Variants in SH3GL2 observed in about 807,000 individuals in gnomAD.
SH3GL2 encodes the protein endophilin-A1.
In SH3GL2, 24 loss-of-function variants were observed where a neutral mutation model predicts 46.0. That is an observed-to-expected ratio of 0.52 (90% CI 0.38 to 0.73). SH3GL2 has a LOEUF of 0.73. Among genes scored for constraint, SH3GL2 ranks in the 30% least tolerant of loss-of-function variants. SH3GL2 has a pLI of 0.00. For missense variants in SH3GL2, 413 were observed against 424.2 expected, an observed-to-expected ratio of 0.97 and a Z score of 0.23; for synonymous variants, 196 against 147.1, an observed-to-expected ratio of 1.33 and a Z score of -2.40.
At chr9:17,682,990 G>T (rs904210491) in intron 1 of SH3GL2, among the ~76,000 whole-genome samples, 1 of 152,062 alleles carries the variant, frequency 6.6e-6, no homozygotes, top group South Asian at 2.1e-4. Context: ...AATCCAGATA[G>T]TATACAAAAT....
chr9:17,738,655 G>GAC (rs1822432177), intron 1 of SH3GL2, among the ~76,000 whole-genome samples: 2 of 127,568 alleles, frequency 1.6e-5, no homozygotes, highest in African/African-American at 5.6e-5. Flanking sequence ...GAGAGAGAGA[G>GAC]AGAGAGAGAG....
intron 1 of SH3GL2, among the ~76,000 whole-genome samples, chr9:17,716,747 G>T (rs938388952): frequency 1.3e-5 from 2 of 152,102 alleles, no homozygotes; most frequent in Non-Finnish European, 2.9e-5. Flanking sequence ...GGTGGTCTCA[G>T]ATTCTGATCT....
rs1438666744 is a variant in SH3GL2 at position 17,738,623 on chromosome 9, A to ATTTT, written c.46-8442_46-8439dup. On this transcript the variant is annotated intron_variant, in intron 1 of 8. Coordinates refer to ENST00000380607, the MANE Select transcript of SH3GL2 (RefSeq NM_003026.5). The stretch of plus-strand genomic sequence containing the variant: ...TTATTTCAAGGAATTGCCTCATGTG[A>ATTTT]TTTTATATATATATATATAGAGAGA... 3.4e-4 allele frequency among the ~76,000 whole-genome samples: 10 copies of ATTTT among 29,568 alleles called. 1 individual carries two copies. The South Asian group carries it at 8.0e-3, about 24-fold the overall frequency. The allele number at this position is 29,568 out of a possible 152,430, so 19.4% of individuals were successfully genotyped here.
At chr9:17,773,937 G>A (rs1361863770) in intron 3 of SH3GL2, among the ~76,000 whole-genome samples, 2 of 152,076 alleles carry the variant, frequency 1.3e-5, no homozygotes, top group Non-Finnish European at 2.9e-5. Flanking sequence ...AACATGGGAT[G>A]TATTTCCATT....
intron 2 of SH3GL2, among the ~76,000 whole-genome samples, chr9:17,748,494 C>CT (rs1822755299): frequency 6.6e-6 from 1 of 152,010 alleles, no homozygotes; most frequent in African/African-American, 2.4e-5. Context: ...CTCAGTTTTG[C>CT]TGTTTTTACT....
chr9:17,610,249 C>T (rs1028198227), intron 1 of SH3GL2, among the ~76,000 whole-genome samples: 18 of 152,296 alleles, frequency 1.2e-4, no homozygotes, highest in African/African-American at 4.3e-4. Flanking sequence ...TTCTTTTCCT[C>T]ATTTTAATCA....
intron 2 of SH3GL2, among the ~76,000 whole-genome samples, chr9:17,756,790 G>A (rs898045278): frequency 7.2e-5 from 11 of 152,146 alleles, no homozygotes; most frequent in Middle Eastern, 3.4e-3. Context: ...AAACATACGT[G>A]TGCATGTGTC....
chr9:17,763,880 A>G (rs1457235498), intron 3 of SH3GL2, among the ~76,000 whole-genome samples: 1 of 152,188 alleles, frequency 6.6e-6, no homozygotes, highest in Non-Finnish European at 1.5e-5. Flanking sequence ...TGAGAAGGGT[A>G]GGCTCCATTT....
chr9:17,740,316 T>C (rs1024253012), intron 1 of SH3GL2, among the ~76,000 whole-genome samples: 2 of 152,152 alleles, frequency 1.3e-5, no homozygotes, highest in South Asian at 2.1e-4. Flanking sequence ...GTGAGACATA[T>C]ACTGCGTAAA....
At chr9:17,770,047 G>A (rs867981770) in intron 3 of SH3GL2, among the ~76,000 whole-genome samples, 40 of 152,230 alleles carry the variant, frequency 2.6e-4, no homozygotes, top group South Asian at 8.3e-4. Flanking sequence ...TCCATCTTAC[G>A]GGAGTAGCTA....
At chr9:17,634,703 C>G (rs531051938) in intron 1 of SH3GL2, among the ~76,000 whole-genome samples, 1 of 152,144 alleles carries the variant, frequency 6.6e-6, no homozygotes, top group South Asian at 2.1e-4. Context: ...ATGGTTTGTT[C>G]ATTTCCTTTA....
At chr9:17,717,342 G>A (rs1226833235) in intron 1 of SH3GL2, among the ~76,000 whole-genome samples, 1 of 151,900 alleles carries the variant, frequency 6.6e-6, no homozygotes, top group Non-Finnish European at 1.5e-5. Context: ...ACCTGAAATC[G>A]GTCTTTTACT....
intron 1 of SH3GL2, among the ~76,000 whole-genome samples, chr9:17,669,816 A>G (rs559588463): frequency 6.7e-4 from 102 of 152,278 alleles, no homozygotes; most frequent in Middle Eastern, 3.4e-3. Flanking sequence ...GGTGACGCTC[A>G]GAATTCTTGG....
intron 1 of SH3GL2, among the ~76,000 whole-genome samples, chr9:17,695,607 C>T (rs1174048797): frequency 1.3e-5 from 2 of 152,054 alleles, no homozygotes; most frequent in East Asian, 3.9e-4. Context: ...CTGGGGCCTT[C>T]TGACTTTCTC....
At chr9:17,665,602 G>A (rs868074517) in intron 1 of SH3GL2, among the ~76,000 whole-genome samples, 1 of 151,880 alleles carries the variant, frequency 6.6e-6, no homozygotes. Flanking sequence ...TGCTCAAATT[G>A]TTACAAATCT....
At chr9:17,633,116 C>T (rs1028124885) in intron 1 of SH3GL2, among the ~76,000 whole-genome samples, 5 of 152,180 alleles carry the variant, frequency 3.3e-5, no homozygotes, top group African/African-American at 1.2e-4. Flanking sequence ...TAAGGCTTTT[C>T]AGTGGCTTCT....
At position 17,790,304 on chromosome 9, in the gene SH3GL2, A is replaced by G. The variant is rs1444485381; in HGVS notation, c.624+754A>G. The G allele has an allele frequency of 2.2e-5, 6 of 275,330 alleles. No homozygotes were observed. In the East Asian group the frequency reaches 1.0e-3, roughly 48 times the overall value. The allele number at this position is 275,330 out of a possible 1,614,324, so 17.1% of individuals were successfully genotyped here. A position where few individuals can be genotyped will look rare whatever the true frequency, so the allele number is the denominator to read the frequency against. The stretch of plus-strand genomic sequence containing the variant: ...CAGTCTCCTCTGGAAACACCCTAAC[A>G]GACACACCCAGAAATAATGCTTTAC... On this transcript the variant is annotated intron_variant, in intron 6 of 8. Transcript: ENST00000380607.
At chr9:17,587,974 T>C (rs1818412450) in intron 1 of SH3GL2, among the ~76,000 whole-genome samples, 1 of 152,200 alleles carries the variant, frequency 6.6e-6, no homozygotes, top group Non-Finnish European at 1.5e-5. Flanking sequence ...TTTGCCAATT[T>C]CTATGATGGA....
chr9:17,624,072 T>C (rs1207742374), intron 1 of SH3GL2, among the ~76,000 whole-genome samples: 1 of 152,226 alleles, frequency 6.6e-6, no homozygotes, highest in Non-Finnish European at 1.5e-5. Flanking sequence ...TTTATCTCGT[T>C]TTTAAGACTG....
Sources: gnomAD v4.1 joint callset for allele counts (sites outside exome capture counted in the v4.1 genomes callset) on GRCh38, gnomAD v4.1.1 for gene constraint, MANE v1.5 for transcripts, NCBI Gene and HGNC (gene_info 2026-07-23, HGNC 2026-07-21) for gene names.